The following ENAM variants were observed in gnomAD, a reference collection of about 807,000 sequenced individuals.
The protein encoded by ENAM is amelogenesis imperfecta 2, hypocalcification (autosomal dominant).
In ENAM, 21 loss-of-function variants were observed where a neutral mutation model predicts 33.6. The ratio of observed to expected loss-of-function variants is 0.63; its 90% CI spans 0.44 to 0.90. ENAM has a LOEUF of 0.90. Among genes scored for constraint, ENAM ranks in the 40% least tolerant of loss-of-function variants. ENAM has a pLI of 0.00. For missense variants in ENAM, 1,388 were observed against 1,366.9 expected (o/e 1.02, Z -0.24); for synonymous variants, 473 against 468.4 (o/e 1.01, Z -0.13).
intron 5 of ENAM, among the ~76,000 whole-genome samples, chr4:70,632,978 G>A (rs912915076): frequency 2.0e-5 from 3 of 151,980 alleles, no homozygotes; most frequent in Non-Finnish European, 4.4e-5. Flanking sequence ...ATGGTTCTGG[G>A]AAAATATCAC....
Position 70,642,093 on chromosome 4 carries a change from G to T in ENAM, c.667G>T (p.Asp223Tyr). The T allele has an allele frequency of 2.5e-6, 4 of 1,614,074 alleles. No individual in the cohort carries two copies. The highest frequency in any genetic ancestry group is 3.4e-6 in the Non-Finnish European group (4 of 1,179,946). The change falls in exon 9 of 9, where the codon GAT becomes TAT. Residue 223 changes from aspartate to tyrosine, a missense_variant. By Grantham distance (160) the Asp-to-Tyr change is radical (BLOSUM62 -3). Transcript: ENST00000396073. ...TTATTCAGAAGAAATGTTTGAACAA[G>T]ATTTTGAAAAACCCAAAGAAGAAGA... Reference protein sequence around the residue: ...PYYSEEMFEQDFEKPKEEDPP... With the variant: ...PYYSEEMFEQYFEKPKEEDPP...
chr4:70,629,791 A>G lies in ENAM; in HGVS notation c.54+237A>G, dbSNP rs576225736. On this transcript the variant is annotated intron_variant, in intron 2 of 8. Coordinates refer to ENST00000396073, the MANE Select transcript of ENAM (RefSeq NM_031889.3). The stretch of plus-strand genomic sequence containing the variant: ...TTATAGACTTTAATCACTAACTTTT[A>G]GAGATGGAAGGGATCTCAGTCATCC... Among the ~76,000 whole-genome samples, 3 of 152,300 alleles carry G rather than the reference A, an allele frequency of 2.0e-5. No homozygotes were observed. In the East Asian group the frequency reaches 5.8e-4, roughly 29 times the overall value.
At position 70,643,267 on chromosome 4, in the gene ENAM, A is replaced by T. The variant is rs1446897448; in HGVS notation, c.1841A>T (p.Tyr614Phe). The stretch of plus-strand genomic sequence containing the variant: ...TATGATCCCAGGGAAAACTCACCAT[A>T]CCTTAGAGGCAATACATGGGATGAG... ...NPYDPRENSPYLRGNTWDERD... is the reference protein window; with the variant it reads ...NPYDPRENSPFLRGNTWDERD... Residue 614 changes from tyrosine to phenylalanine, a missense_variant, in exon 9 of 9, where the codon TAC becomes TTC. Tyr to Phe is a conservative substitution (Grantham distance 22, BLOSUM62 3). Coordinates refer to ENST00000396073, the MANE Select transcript of ENAM (RefSeq NM_031889.3). 1.2e-6 allele frequency: 2 copies of T among 1,614,024 alleles called. No homozygotes were observed. Among genetic ancestry groups the T allele is most frequent in the Non-Finnish European group, 8.5e-7 (1 of 1,179,968 alleles).
At position 70,643,092 on chromosome 4, in the gene ENAM, G is replaced by A; in HGVS notation, c.1666G>A (p.Ala556Thr). Residue 556 changes from alanine to threonine, a missense_variant, in exon 9 of 9, where the codon GCA (alanine) becomes ACA (threonine). By Grantham distance (58) the Ala-to-Thr change is moderately conservative. Transcript: ENST00000396073. The part of the protein sequence containing the change: ...AVYPEEIPSP[A>T]KEHFPAGRNT... ...ATACCCTGAGGAAATCCCTTCTCCT[G>A]CAAAAGAACATTTTCCTGCTGGAAG... The A allele has an allele frequency of 6.8e-6, 11 of 1,613,872 alleles. No homozygotes were observed. The highest frequency in any genetic ancestry group is 9.3e-6 in the Non-Finnish European group (11 of 1,179,978).
In ENAM at chr4:70,635,859, T is replaced by C; in HGVS notation, c.499T>C (p.Phe167Leu). ...ATTCCCACCATTTGGAAATGGGCTA[T>C]TCCCCTATCAACAACCACCATGGCA... The part of the protein sequence containing the change: ...QAFPPFGNGL[F>L]PYQQPPWQIP... The change falls in exon 7 of 9, where the codon TTC becomes CTC. Residue 167 changes from phenylalanine (F) to leucine (L), a missense_variant. Transcript: ENST00000396073. 1.2e-6 allele frequency: 2 copies of C among 1,609,424 alleles called. No homozygotes were observed. Among genetic ancestry groups the C allele is most frequent in the Non-Finnish European group, 1.7e-6 (2 of 1,176,302 alleles).
At chr4:70,635,701 A>G in intron 6 of ENAM, 131 bp from the exon 7 acceptor site, 3 of 692,880 alleles carry the variant, frequency 4.3e-6, no homozygotes, top group Middle Eastern at 2.6e-4. Context: ...TCTTTGCCCT[A>G]TAAAAAACAC....
Position 70,644,716 on chromosome 4 carries a change from T to G in ENAM, c.3290T>G (p.Val1097Gly). ...CCTACTGAAAATCCTAACACATTGGTTGAGTTAGCTACTGAGGAACAATTT... is the reference window on the plus strand; with the variant it reads ...CCTACTGAAAATCCTAACACATTGGGTGAGTTAGCTACTGAGGAACAATTT... ...ITPTENPNTL[V>G]ELATEEQFKS... Residue 1097 changes from valine (V) to glycine (G), a missense_variant, in exon 9 of 9, where the codon GTT becomes GGT. Transcript: ENST00000396073. 1.2e-6 allele frequency: 2 copies of G among 1,613,996 alleles called. No homozygotes were observed. The highest frequency in any genetic ancestry group is 1.7e-6 in the Non-Finnish European group (2 of 1,179,892).
In ENAM at chr4:70,644,386, A is replaced by G. The variant is rs907691751; in HGVS notation, c.2960A>G (p.Lys987Arg). 39 of 1,614,116 alleles carry G rather than the reference A, an allele frequency of 2.4e-5. No individual in the cohort carries two copies. Among genetic ancestry groups the G allele is most frequent in the Non-Finnish European group, 2.9e-5 (34 of 1,180,040 alleles). The change falls in exon 9 of 9, where the codon AAA (lysine) becomes AGA (arginine). Residue 987 changes from lysine (K) to arginine (R), a missense_variant. By Grantham distance (26) the Lys-to-Arg change is conservative. Transcript: ENST00000396073. ...SLQSKNTPCLKNDLGGDGNNI... is the reference protein window; with the variant it reads ...SLQSKNTPCLRNDLGGDGNNI... The stretch of plus-strand genomic sequence containing the variant: ...CAATCAAAGAATACACCTTGTCTCA[A>G]AAATGATCTTGGAGGAGATGGGAAC...
In ENAM at chr4:70,644,948, T is replaced by A; in HGVS notation, c.*93T>A. ...ATTTTTTCCCCAAGACTTAATTAAG[T>A]GTCTGACTGTCTTGGTGATCCTTAA... On this transcript the variant is annotated 3_prime_UTR_variant, in exon 9 of 9. Transcript: ENST00000396073. The A allele has an allele frequency of 1.0e-6, 1 of 1,003,082 alleles. No homozygotes were observed. The highest frequency in any genetic ancestry group is 2.5e-5 in the East Asian group (1 of 40,634). The allele number at this position is 1,003,082 out of a possible 1,614,324, so 62.1% of individuals were successfully genotyped here.
intron 8 of ENAM, 43 bp downstream of exon 8, chr4:70,637,886 C>G (rs899518919): frequency 4.3e-6 from 6 of 1,407,546 alleles, no homozygotes; most frequent in Non-Finnish European, 3.0e-6. Flanking sequence ...AAATTACAAT[C>G]CATTCGCCCC....
intron 6 of ENAM, among the ~76,000 whole-genome samples, chr4:70,635,142 C>G (rs527916978): frequency 6.6e-6 from 1 of 152,230 alleles, no homozygotes; most frequent in African/African-American, 2.4e-5. Flanking sequence ...TTTGGGAGGC[C>G]AAGGTAGGTG....
intron 7 of ENAM, 131 bp from the exon 8 acceptor site, chr4:70,637,659 G>T: frequency 1.3e-6 from 1 of 766,644 alleles, no homozygotes. Context: ...TAACTCAAAC[G>T]CTAAAAGCTC....
At chr4:70,638,036 T>C (rs1738503368) in intron 8 of ENAM, among the ~76,000 whole-genome samples, 193 bp downstream of exon 8, 1 of 152,156 alleles carries the variant, frequency 6.6e-6, no homozygotes, top group Admixed American at 6.5e-5. Flanking sequence ...CTCCAGACAG[T>C]GATAAACAGA....
At position 70,644,139 on chromosome 4, in the gene ENAM, G is replaced by A. The variant is rs1263044585; in HGVS notation, c.2713G>A (p.Asp905Asn). The change falls in exon 9 of 9, where the codon GAC (aspartate) becomes AAC (asparagine). Residue 905 changes from aspartate (D) to asparagine (N), a missense_variant. Physicochemically the swap from Asp to Asn is conservative, Grantham distance 23. Coordinates refer to ENST00000396073, the MANE Select transcript of ENAM (RefSeq NM_031889.3). ...SYGLAPGENQ[D>N]TSPLYTDGSH... The stretch of plus-strand genomic sequence containing the variant: ...TGGTCTTGCACCTGGGGAGAACCAA[G>A]ACACCAGTCCTCTGTATACAGACGG... 1.9e-6 allele frequency: 3 copies of A among 1,614,088 alleles called. No homozygotes were observed. In the South Asian group the frequency reaches 3.3e-5, roughly 18 times the overall value.
rs577795149 is a variant in ENAM, at chr4:70,646,550, C to T, written c.*1695C>T. 1 of 152,134 alleles carries T rather than the reference C, an allele frequency of 6.6e-6. No homozygotes were observed. Among genetic ancestry groups the T allele is most frequent in the African/African-American group, 2.4e-5 (1 of 41,424 alleles). 9.4% of individuals were successfully genotyped at this position (152,134 alleles called of 1,614,324 possible). A position where few individuals can be genotyped will look rare whatever the true frequency, so the allele number is the denominator to read the frequency against. On this transcript the variant is annotated 3_prime_UTR_variant, in exon 9 of 9. Transcript: ENST00000396073. ...GACTTTCAACACTCCCATGAAAACA[C>T]CGTAGTCTGCTTTTCCTGAAAGGTG... is the stretch of plus-strand genomic sequence containing the variant.
Position 70,644,336 on chromosome 4 carries a change from G to A in ENAM, c.2910G>A (p.Met970Ile), listed in dbSNP as rs1156773891. 9 of 1,614,084 alleles carry A rather than the reference G, an allele frequency of 5.6e-6. No individual in the cohort carries two copies. Among genetic ancestry groups the A allele is most frequent in the Non-Finnish European group, 7.6e-6 (9 of 1,180,034 alleles). The change falls in exon 9 of 9, where the codon ATG becomes ATA. Residue 970 changes from methionine (M) to isoleucine (I), a missense_variant. Transcript: ENST00000396073. ...IKNQLGQKEI[M>I]PFPEASSLQS... ...ATCAACTGGGCCAAAAGGAAATTAT[G>A]CCCTTTCCTGAAGCCAGTTCCCTTC...
At chr4:70,630,794 T>G (rs571719296) in intron 2 of ENAM, among the ~76,000 whole-genome samples, 9 of 150,968 alleles carry the variant, frequency 6.0e-5, no homozygotes, top group Non-Finnish European at 1.0e-4. Context: ...CAGGCTGGAG[T>G]GCAATGGCAC....
In ENAM at chr4:70,637,785, C is replaced by T. The variant is rs753787712; in HGVS notation, c.535-5C>T. Reference sequence around the variant, plus strand: ...CCTGTGTTCACTGTGTTTTTCACTTCTCAGAGGTTACCACCACCAGGTTAT... The same window carrying T: ...CCTGTGTTCACTGTGTTTTTCACTTTTCAGAGGTTACCACCACCAGGTTAT... On this transcript the variant is annotated splice_region_variant and splice_polypyrimidine_tract_variant and intron_variant, in intron 7 of 8. Transcript: ENST00000396073. 5 of 1,613,088 alleles carry T rather than the reference C, an allele frequency of 3.1e-6. No homozygotes were observed. Among genetic ancestry groups the T allele is most frequent in the Non-Finnish European group, 4.2e-6 (5 of 1,179,082 alleles).
At chr4:70,630,992 T>C (rs1411601483) in intron 2 of ENAM, among the ~76,000 whole-genome samples, 2 of 152,118 alleles carry the variant, frequency 1.3e-5, no homozygotes, top group Non-Finnish European at 2.9e-5. Flanking sequence ...TCCACCCACC[T>C]CAGCCTCCCA....
Sources: allele counts gnomAD v4.1 joint callset (sites outside exome capture counted in the v4.1 genomes callset), GRCh38; gene constraint gnomAD v4.1.1; transcripts MANE v1.5; gene names NCBI Gene and HGNC (gene_info 2026-07-23, HGNC 2026-07-21).